Variants in SLC25A40 observed in about 807,000 individuals in gnomAD.
SLC25A40 encodes the protein solute carrier family 25 member 40.
In SLC25A40, 41 loss-of-function variants were observed where a neutral mutation model predicts 46.5. The ratio of observed to expected loss-of-function variants is 0.88; its 90% confidence interval spans 0.69 to 1.14. The LOEUF is 1.14. Ranked by LOEUF, SLC25A40 falls within the 50% of genes most tolerant of loss-of-function variation. The probability of loss-of-function intolerance (pLI) is 0.00; values close to 1 mark genes in which losing one functional copy is unlikely to be tolerated. For missense variants in SLC25A40, 386 were observed against 393.6 expected (o/e 0.98, Z 0.16); for synonymous variants, 126 against 127.5 (o/e 0.99, Z 0.08).
chr7:87,854,801 G>C (rs1838579540), intron 4 of SLC25A40, among the ~76,000 whole-genome samples: 1 of 121,390 alleles, frequency 8.2e-6, no homozygotes, highest in Non-Finnish European at 1.6e-5. Context: ...AACAGAGCAA[G>C]ACTGTCTCAA....
At chr7:87,849,175 A>C (rs1838468441) in intron 6 of SLC25A40, among the ~76,000 whole-genome samples, 3 of 152,174 alleles carry the variant, frequency 2.0e-5, no homozygotes, top group African/African-American at 7.2e-5. Flanking sequence ...TTATTTCTGA[A>C]CATGAAAAAA....
chr7:87,837,323 T>A (rs1838271777), intron 10 of SLC25A40, among the ~76,000 whole-genome samples: 1 of 151,116 alleles, frequency 6.6e-6, no homozygotes, highest in South Asian at 2.1e-4. Context: ...CAACCATTTT[T>A]TCATTCACAT....
intron 1 of SLC25A40, among the ~76,000 whole-genome samples, chr7:87,866,870 C>T (rs1292379329): frequency 6.6e-6 from 1 of 152,240 alleles, no homozygotes; most frequent in African/African-American, 2.4e-5. Context: ...CTCATCCCTT[C>T]CTATCCCTCC....
intron 5 of SLC25A40, among the ~76,000 whole-genome samples, chr7:87,853,219 T>C (rs749612020): frequency 6.6e-6 from 1 of 152,160 alleles, no homozygotes; most frequent in Non-Finnish European, 1.5e-5. Flanking sequence ...ATAAGCATAT[T>C]AAAAGATGTT....
chr7:87,860,151 C>A (rs932579276), intron 2 of SLC25A40: 2 of 152,064 alleles, frequency 1.3e-5, no homozygotes, highest in African/African-American at 4.8e-5. Flanking sequence ...GAGCCAAGAT[C>A]GCATTACTGC....
At chr7:87,843,165 A>G (rs1272781362) in intron 9 of SLC25A40, among the ~76,000 whole-genome samples, 2 of 152,026 alleles carry the variant, frequency 1.3e-5, no homozygotes, top group African/African-American at 4.8e-5. Context: ...TGTGGGTATA[A>G]AAAAAACTGC....
intron 1 of SLC25A40, among the ~76,000 whole-genome samples, chr7:87,865,897 C>T (rs1838787934): frequency 6.6e-6 from 1 of 151,970 alleles, no homozygotes; most frequent in Admixed American, 6.6e-5. Flanking sequence ...GCATGGGCAA[C>T]ATGGTGAAAC....
At chr7:87,842,387 A>G (rs1315401727) in intron 9 of SLC25A40, 1 of 152,710 alleles carries the variant, frequency 6.5e-6, no homozygotes, top group Admixed American at 6.6e-5. Flanking sequence ...ATTCTTTTAG[A>G]TATGTTGTTG....
At chr7:87,850,226 T>TA (rs1232760279) in intron 5 of SLC25A40, among the ~76,000 whole-genome samples, 1 of 152,142 alleles carries the variant, frequency 6.6e-6, no homozygotes, top group Non-Finnish European at 1.5e-5. Context: ...TAGAAAAGAT[T>TA]ATTATAAGAA....
At chr7:87,864,976 TTTTC>T (rs532437926) in intron 1 of SLC25A40, among the ~76,000 whole-genome samples, 3,549 of 150,056 alleles carry the variant, frequency 0.024, 33 homozygotes, top group Middle Eastern at 0.044. Context: ...TTTTCTTTTC[TTTTC>T]TTTTTTTTTT....
chr7:87,838,284 T>C (rs1838284355), intron 10 of SLC25A40, among the ~76,000 whole-genome samples: 1 of 151,470 alleles, frequency 6.6e-6, no homozygotes, highest in Non-Finnish European at 1.5e-5. Flanking sequence ...CAAAGAATGG[T>C]GATCAAGCAG....
chr7:87,857,594 A>G (rs970816039), intron 3 of SLC25A40, among the ~76,000 whole-genome samples: 2 of 152,244 alleles, frequency 1.3e-5, no homozygotes, highest in Admixed American at 6.5e-5. Context: ...TGAAGATTTC[A>G]TGGACATTTA....
intron 10 of SLC25A40, 43 bp from the exon 11 acceptor site, chr7:87,836,853 T>C (rs779468658): frequency 8.4e-7 from 1 of 1,195,412 alleles, no homozygotes; most frequent in Non-Finnish European, 1.1e-6. Flanking sequence ...TAAATAACAA[T>C]TTAATAATTC....
intron 8 of SLC25A40, among the ~76,000 whole-genome samples, chr7:87,845,224 A>C (rs1395069960): frequency 6.6e-6 from 1 of 152,044 alleles, no homozygotes; most frequent in Non-Finnish European, 1.5e-5. Flanking sequence ...AAAATGTTAT[A>C]TGACAGAGAC....
At chr7:87,841,769 T>C (rs1261978051) in intron 9 of SLC25A40, 55 bp from the exon 10 acceptor site, 7 of 1,047,076 alleles carry the variant, frequency 6.7e-6, no homozygotes, top group South Asian at 3.9e-5. Context: ...TTTCCTAAAA[T>C]ATTTTTACAT....
intron 9 of SLC25A40, among the ~76,000 whole-genome samples, chr7:87,843,158 G>A (rs1433188436): frequency 6.6e-6 from 1 of 151,858 alleles, no homozygotes; most frequent in African/African-American, 2.4e-5. Flanking sequence ...GGAAGTATGT[G>A]GGTATAAAAA....
intron 1 of SLC25A40, among the ~76,000 whole-genome samples, chr7:87,874,726 GAGA>G (rs988690196): frequency 1.3e-5 from 2 of 152,176 alleles, no homozygotes; most frequent in African/African-American, 2.4e-5. Flanking sequence ...CAACATCCCT[GAGA>G]AGTACTACCC....
At chr7:87,845,163 C>G (rs983728330) in intron 8 of SLC25A40, among the ~76,000 whole-genome samples, 2 of 152,160 alleles carry the variant, frequency 1.3e-5, no homozygotes, top group African/African-American at 4.8e-5. Flanking sequence ...CAGTTTGGTA[C>G]TGGCCTGAAG....
At chr7:87,848,122 A>G in intron 6 of SLC25A40, 145 bp from the exon 7 acceptor site, 4 of 912,934 alleles carry the variant, frequency 4.4e-6, no homozygotes, top group Non-Finnish European at 6.2e-6. Flanking sequence ...CTATGAGATC[A>G]ATTTTTCTTT....
Sources: allele counts gnomAD v4.1 joint callset (sites outside exome capture counted in the v4.1 genomes callset), GRCh38; gene constraint gnomAD v4.1.1; transcripts MANE v1.5; gene names NCBI Gene and HGNC (gene_info 2026-07-23, HGNC 2026-07-21).